KLHL18: variants seen among roughly 807,000 people sequenced by gnomAD.
The protein encoded by KLHL18 is kelch like family member 18.
KLHL18 carries 38 observed loss-of-function variants against 58.5 expected under a neutral mutation model. The observed-to-expected ratio is 0.65, with a 90% CI of 0.50 to 0.85. The LOEUF (loss-of-function observed/expected upper bound fraction) is 0.85, where lower values mean the gene tolerates loss of function less well. Among genes scored for constraint, KLHL18 ranks in the 40% least tolerant of loss-of-function variants. The pLI is 0.00. For synonymous variants in KLHL18, 303 were observed against 301.9 expected (o/e 1.00, Z -0.04); for missense variants, 624 against 778.4 (o/e 0.80, Z 2.36).
intron 1 of KLHL18, among the ~76,000 whole-genome samples, chr3:47,292,419 A>G (rs541634443): frequency 1.3e-5 from 2 of 151,940 alleles, no homozygotes; most frequent in South Asian, 4.2e-4. Context: ...GGTTGCAGTG[A>G]GCCGAGATCG....
chr3:47,329,463 G>A (rs961250763), intron 3 of KLHL18, among the ~76,000 whole-genome samples: 3 of 152,082 alleles, frequency 2.0e-5, no homozygotes, highest in Admixed American at 6.6e-5. Flanking sequence ...TCGTGACCTC[G>A]TGATCTGCCT....
intron 8 of KLHL18, among the ~76,000 whole-genome samples, chr3:47,342,156 T>C (rs1038984949): frequency 1.3e-5 from 2 of 152,184 alleles, no homozygotes; most frequent in African/African-American, 4.8e-5. Context: ...GAGGAGCCAC[T>C]GGACGGACAT....
intron 1 of KLHL18, among the ~76,000 whole-genome samples, chr3:47,310,724 G>A (rs1295844164): frequency 6.6e-6 from 1 of 152,178 alleles, no homozygotes; most frequent in East Asian, 1.9e-4. Flanking sequence ...GATCGCACCA[G>A]TAACCTGGAA....
intron 3 of KLHL18, among the ~76,000 whole-genome samples, chr3:47,327,599 G>C (rs1703755621): frequency 6.6e-6 from 1 of 152,248 alleles, no homozygotes. Flanking sequence ...ACAGATGACT[G>C]AGCTGACATT....
chr3:47,334,663 C>T lies in KLHL18; in HGVS notation c.762-20C>T, dbSNP rs1703943351. On this transcript the variant is annotated intron_variant, in intron 5 of 9. Coordinates refer to ENST00000232766, the MANE Select transcript of KLHL18 (RefSeq NM_025010.5). The surrounding 1 kb of genome is among the most constrained non-coding windows in gnomAD (Gnocchi z 4.7). ...GTCAGGGGGATACCTCCTGTTCTAGCATCTTCCACCTTATTCTAGGGACCT... is the reference window on the plus strand; with the variant it reads ...GTCAGGGGGATACCTCCTGTTCTAGTATCTTCCACCTTATTCTAGGGACCT... The T allele has an allele frequency of 1.9e-6, 3 of 1,613,636 alleles. No individual in the cohort carries two copies. In the African/African-American group the frequency reaches 4.0e-5, roughly 22 times the overall value.
intron 3 of KLHL18, among the ~76,000 whole-genome samples, chr3:47,322,938 C>T (rs1054507714): frequency 2.6e-5 from 4 of 152,156 alleles, no homozygotes; most frequent in African/African-American, 9.7e-5. Flanking sequence ...TTTCCCTTGG[C>T]TTGACATGTA....
At chr3:47,330,579 A>T (rs1045244193) in intron 4 of KLHL18, among the ~76,000 whole-genome samples, 1 of 152,152 alleles carries the variant, frequency 6.6e-6, no homozygotes, top group Admixed American at 6.5e-5. Flanking sequence ...GGCGTGAGCC[A>T]CCGCACCTGG....
chr3:47,343,039 A>T (rs1704144027), intron 9 of KLHL18, among the ~76,000 whole-genome samples: 1 of 152,242 alleles, frequency 6.6e-6, no homozygotes, highest in Non-Finnish European at 1.5e-5. Flanking sequence ...GGGTAGTCAC[A>T]TCTGCAGCCA....
At chr3:47,283,806 A>G (rs532676965) in intron 1 of KLHL18, among the ~76,000 whole-genome samples, 1 of 152,274 alleles carries the variant, frequency 6.6e-6, no homozygotes, top group East Asian at 1.9e-4. Flanking sequence ...GGGTCTTTTC[A>G]TGAGGAAGAG....
At chr3:47,304,002 T>C (rs1703082769) in intron 1 of KLHL18, among the ~76,000 whole-genome samples, 1 of 152,192 alleles carries the variant, frequency 6.6e-6, no homozygotes, top group South Asian at 2.1e-4. Context: ...GTTCAACTTT[T>C]ATTTTTTTAG....
In KLHL18 at chr3:47,336,654, G is replaced by T. The variant is rs750143171; in HGVS notation, c.1018G>T (p.Ala340Ser). The T allele has an allele frequency of 5.0e-6, 8 of 1,614,130 alleles. 1 individual carries two copies. Among genetic ancestry groups the T allele is most frequent in the Middle Eastern group, 3.3e-4 (2 of 6,084 alleles). ...GVAVVNGLLY[A>S]IGGYDGQLRL... ...GGCTGTGGTGAACGGGCTTCTCTATGCCATCGGAGGATATGACGGCCAGCT... is the reference window on the plus strand; with the variant it reads ...GGCTGTGGTGAACGGGCTTCTCTATTCCATCGGAGGATATGACGGCCAGCT... Residue 340 changes from alanine to serine, a missense_variant, in exon 7 of 10, where the codon GCC (alanine) becomes TCC (serine). Physicochemically the swap from Ala to Ser is moderately conservative, Grantham distance 99 (BLOSUM62 1). Transcript: ENST00000232766.
chr3:47,307,830 GC>G (rs1248184176), intron 1 of KLHL18, among the ~76,000 whole-genome samples: 9 of 152,128 alleles, frequency 5.9e-5, no homozygotes, highest in Admixed American at 4.6e-4. Context: ...TATCTGCAAT[GC>G]CATTTCTGTC....
intron 1 of KLHL18, among the ~76,000 whole-genome samples, chr3:47,289,517 G>T (rs1164076268): frequency 6.6e-6 from 1 of 152,220 alleles, no homozygotes; most frequent in Non-Finnish European, 1.5e-5. Context: ...GGTGGAGAAG[G>T]ATATGAGGAA....
rs1249748164 is a variant in KLHL18, at chr3:47,310,359, C to G, written c.130-9294C>G. Among the ~76,000 whole-genome samples, 3 of 152,316 alleles carry G rather than the reference C, an allele frequency of 2.0e-5. No individual in the cohort carries two copies. In the East Asian group the frequency reaches 5.8e-4, roughly 29 times the overall value. On this transcript the variant is annotated intron_variant, in intron 1 of 9. Transcript: ENST00000232766. The stretch of plus-strand genomic sequence containing the variant: ...CCAGACATCTTCCTGCTTCTCTTCT[C>G]ATTTCCTTTCTGTGTACCTCCCTTC...
chr3:47,315,308 C>T (rs1703394184), intron 1 of KLHL18, among the ~76,000 whole-genome samples: 2 of 152,100 alleles, frequency 1.3e-5, no homozygotes, highest in Admixed American at 1.3e-4. Context: ...GTATGAAAGG[C>T]AATTAGATGC....
chr3:47,343,987 G>A lies in KLHL18; in HGVS notation c.*46G>A. On this transcript the variant is annotated 3_prime_UTR_variant, in exon 10 of 10. Coordinates refer to ENST00000232766, the MANE Select transcript of KLHL18 (RefSeq NM_025010.5). ...GGGGCAGGGATCTGGTACAGACATA[G>A]GCGCTTCCTTCCAGGAACAGTCCCT... 6.3e-7 allele frequency: 1 copy of A among 1,591,360 alleles called. No individual in the cohort carries two copies. The highest frequency in any genetic ancestry group is 8.5e-7 in the Non-Finnish European group (1 of 1,174,994).
At chr3:47,303,976 AC>A (rs1176401120) in intron 1 of KLHL18, among the ~76,000 whole-genome samples, 1 of 151,536 alleles carries the variant, frequency 6.6e-6, no homozygotes, top group East Asian at 1.9e-4. Flanking sequence ...TGATTCTCCC[AC>A]CTCAGCCTCC....
At chr3:47,331,198 G>A (rs1703850259) in intron 4 of KLHL18, among the ~76,000 whole-genome samples, 1 of 152,046 alleles carries the variant, frequency 6.6e-6, no homozygotes, top group Non-Finnish European at 1.5e-5. Context: ...AACAATCTCA[G>A]CTCACTGCAC....
intron 1 of KLHL18, among the ~76,000 whole-genome samples, chr3:47,298,258 C>T (rs1467547064): frequency 6.7e-6 from 1 of 148,150 alleles, no homozygotes; most frequent in Non-Finnish European, 1.5e-5. Context: ...GTCCCGGCTA[C>T]TTGGGAGGAT....
Sources: gnomAD v4.1 joint callset for allele counts (sites outside exome capture counted in the v4.1 genomes callset) on GRCh38, gnomAD v4.1.1 for gene constraint, Gnocchi (gnomAD v3.1) non-coding constraint, MANE v1.5 for transcripts, NCBI Gene and HGNC (gene_info 2026-07-23, HGNC 2026-07-21) for gene names.